NCALD: variants seen among roughly 807,000 people sequenced by gnomAD.
The protein encoded by NCALD is neurocalcin delta.
Under a neutral mutation model 18.6 loss-of-function variants are expected in NCALD, and 10 were observed. That is an observed-to-expected ratio of 0.54 (90% CI 0.33 to 0.91). The LOEUF (loss-of-function observed/expected upper bound fraction) is 0.91. Among genes scored for constraint, NCALD ranks in the 40% least tolerant of loss-of-function variants. The pLI, the probability that NCALD is intolerant of heterozygous loss-of-function variation, is 0.03. For synonymous variants in NCALD, 88 were observed against 87.4 expected, an observed-to-expected ratio of 1.01 and a Z score of -0.04; for missense variants, 184 against 247.6, an observed-to-expected ratio of 0.74 and a Z score of 1.72.
At chr8:101,910,194 G>A (rs1224007673) in intron 3 of NCALD, among the ~76,000 whole-genome samples, 1 of 152,182 alleles carries the variant, frequency 6.6e-6, no homozygotes, top group Non-Finnish European at 1.5e-5. Flanking sequence ...AAGAGGATGG[G>A]AGGTTCTAGG....
At chr8:101,731,746 A>G (rs1816842775) in intron 1 of NCALD, among the ~76,000 whole-genome samples, 1 of 152,088 alleles carries the variant, frequency 6.6e-6, no homozygotes, top group Non-Finnish European at 1.5e-5. Context: ...CTCCTTTCCC[A>G]GCTACTCCAA....
At chr8:102,003,352 G>C (rs1261274626) in intron 2 of NCALD, among the ~76,000 whole-genome samples, 1 of 152,210 alleles carries the variant, frequency 6.6e-6, no homozygotes, top group Non-Finnish European at 1.5e-5. Context: ...TCTCTGAATA[G>C]TCCAATAACA....
intron 3 of NCALD, among the ~76,000 whole-genome samples, chr8:101,887,835 A>G (rs1239071792): frequency 2.0e-5 from 3 of 152,276 alleles, no homozygotes; most frequent in Admixed American, 1.3e-4. Flanking sequence ...TGAGCTGGGG[A>G]AAAAACCCAA....
intron 2 of NCALD, among the ~76,000 whole-genome samples, chr8:102,014,058 C>A (rs1052875253): frequency 2.0e-5 from 3 of 152,174 alleles, no homozygotes; most frequent in Non-Finnish European, 2.9e-5. Flanking sequence ...CATGCAGGAA[C>A]CTGTTTCTTA....
At chr8:102,014,543 A>C (rs949838214) in intron 2 of NCALD, among the ~76,000 whole-genome samples, 7 of 152,306 alleles carry the variant, frequency 4.6e-5, no homozygotes, top group Admixed American at 4.6e-4. Flanking sequence ...TGCTACAAGA[A>C]AGAGTTAATG....
chr8:101,814,374 C>T (rs538266455), intron 4 of NCALD, among the ~76,000 whole-genome samples: 14 of 151,950 alleles, frequency 9.2e-5, no homozygotes, highest in Non-Finnish European at 1.5e-4. Flanking sequence ...CATCAACAGG[C>T]TAAAAAAGAA....
chr8:101,922,523 T>C (rs1024972732), intron 2 of NCALD, among the ~76,000 whole-genome samples: 1 of 152,214 alleles, frequency 6.6e-6, no homozygotes, highest in African/African-American at 2.4e-5. Context: ...ACAAGAATAA[T>C]AACAACAGAG....
intron 2 of NCALD, among the ~76,000 whole-genome samples, chr8:101,700,702 G>T (rs1586238550): frequency 6.6e-6 from 1 of 152,228 alleles, no homozygotes; most frequent in Non-Finnish European, 1.5e-5. Context: ...GCAAGCACAT[G>T]AATGTATGTG....
chr8:101,830,526 G>A (rs1814133528), intron 4 of NCALD, among the ~76,000 whole-genome samples: 1 of 149,554 alleles, frequency 6.7e-6, no homozygotes, highest in Non-Finnish European at 1.5e-5. Context: ...TCCAGCCTGG[G>A]TGACAGAGCG....
chr8:102,116,725 T>C (rs536633401), intron 1 of NCALD, among the ~76,000 whole-genome samples: 146 of 152,132 alleles, frequency 9.6e-4, no homozygotes, highest in African/African-American at 3.4e-3. Context: ...CCAGGCTGTT[T>C]TTGAACTCCT....
chr8:101,768,729 A>AC (rs1811458062), intron 1 of NCALD, among the ~76,000 whole-genome samples: 1 of 151,518 alleles, frequency 6.6e-6, no homozygotes, highest in Non-Finnish European at 1.5e-5. Flanking sequence ...AAAACAAAAA[A>AC]AAAAAAAGAA....
intron 4 of NCALD, among the ~76,000 whole-genome samples, chr8:101,802,210 T>C (rs1274680275): frequency 6.6e-6 from 1 of 152,190 alleles, no homozygotes; most frequent in Non-Finnish European, 1.5e-5. Context: ...CTTTTGTAAT[T>C]GCTTTGGGGC....
At chr8:101,904,981 C>T (rs1301711588) in intron 3 of NCALD, among the ~76,000 whole-genome samples, 1 of 152,064 alleles carries the variant, frequency 6.6e-6, no homozygotes, top group East Asian at 1.9e-4. Flanking sequence ...CAAAGGTGGC[C>T]ACATTTAGCA....
chr8:102,078,012 C>G (rs1245369156), intron 1 of NCALD, among the ~76,000 whole-genome samples: 1 of 152,178 alleles, frequency 6.6e-6, no homozygotes, highest in Non-Finnish European at 1.5e-5. Context: ...TTGACAGATT[C>G]ATTTGGAGAC....
At chr8:101,888,464 T>A (rs1023589318) in intron 3 of NCALD, among the ~76,000 whole-genome samples, 8 of 152,094 alleles carry the variant, frequency 5.3e-5, no homozygotes, top group African/African-American at 1.7e-4. Context: ...GTCACCCAGA[T>A]GGGAGTGCAG....
chr8:101,768,936 G>T (rs952793415), intron 1 of NCALD, among the ~76,000 whole-genome samples: 5 of 152,146 alleles, frequency 3.3e-5, no homozygotes, highest in African/African-American at 9.7e-5. Context: ...AGGAGGGAAG[G>T]TTATTCTTAT....
chr8:102,088,599 T>C (rs577980334), intron 1 of NCALD, among the ~76,000 whole-genome samples: 1 of 150,812 alleles, frequency 6.6e-6, no homozygotes, highest in African/African-American at 2.4e-5. Context: ...CATGGAACCC[T>C]AGAAATTAAA....
At chr8:102,102,755 G>A (rs1458625768) in intron 1 of NCALD, among the ~76,000 whole-genome samples, 2 of 152,100 alleles carry the variant, frequency 1.3e-5, no homozygotes, top group African/African-American at 4.8e-5. Flanking sequence ...GCAGTTCGTT[G>A]CATTTATGAA....
At chr8:101,766,821 C>T (rs1275213091) in intron 1 of NCALD, among the ~76,000 whole-genome samples, 4 of 152,154 alleles carry the variant, frequency 2.6e-5, no homozygotes, top group African/African-American at 9.7e-5. Context: ...TCAGGTGATC[C>T]GCCCACCTGG....
Sources: gnomAD v4.1 joint callset for allele counts (sites outside exome capture counted in the v4.1 genomes callset) on GRCh38, gnomAD v4.1.1 for gene constraint, MANE v1.5 for transcripts, NCBI Gene and HGNC (gene_info 2026-07-23, HGNC 2026-07-21) for gene names.